The following CCT3 variants were observed in gnomAD, a reference collection of about 807,000 sequenced individuals.
CCT3 encodes chaperonin containing TCP1 subunit 3.
In CCT3, 10 loss-of-function variants were observed where a neutral mutation model predicts 65.3. That is an observed-to-expected ratio of 0.15 (90% CI 0.09 to 0.26). CCT3 has a LOEUF of 0.26. Among genes scored for constraint, CCT3 ranks in the 10% least tolerant of loss-of-function variants. The pLI is 1.00. For missense variants in CCT3, 626 were observed against 708.7 expected, an observed-to-expected ratio of 0.88 and a Z score of 1.33; for synonymous variants, 225 against 242.3, an observed-to-expected ratio of 0.93 and a Z score of 0.66.
chr1:156,326,543 G>A (rs923646302), intron 5 of CCT3, among the ~76,000 whole-genome samples: 6 of 151,216 alleles, frequency 4.0e-5, no homozygotes, highest in Non-Finnish European at 5.9e-5. Context: ...CTAGCTACTC[G>A]GGAGGCTGAG....
intron 5 of CCT3, 81 bp from the exon 6 acceptor site, chr1:156,325,170 TACTCTCCTAAATCAG>T: frequency 9.9e-7 from 1 of 1,008,110 alleles, no homozygotes; most frequent in East Asian, 2.4e-5. Flanking sequence ...TTCCAAAAAA[TACTCTCCTAAATCAG>T]ACTCTCCCAA....
At chr1:156,316,102 T>C (rs1388382708) in intron 10 of CCT3, among the ~76,000 whole-genome samples, 2 of 107,018 alleles carry the variant, frequency 1.9e-5, no homozygotes, top group Admixed American at 1.0e-4. Context: ...ACTGATAACA[T>C]GGCAGGGGGG....
intron 10 of CCT3, among the ~76,000 whole-genome samples, chr1:156,312,635 A>G (rs965106557): frequency 3.3e-5 from 5 of 151,310 alleles, no homozygotes; most frequent in African/African-American, 9.7e-5. Context: ...TCCAGCCTAG[A>G]TAACAGAGTG....
chr1:156,333,735 AC>A (rs1665210505), intron 4 of CCT3, 92 bp from the exon 5 acceptor site: 1 of 891,406 alleles, frequency 1.1e-6, no homozygotes. Context: ...TTGCTTCTAT[AC>A]GTACTTACTT....
chr1:156,309,776 C>A (rs1164486893), intron 13 of CCT3, among the ~76,000 whole-genome samples: 1 of 151,870 alleles, frequency 6.6e-6, no homozygotes, highest in Non-Finnish European at 1.5e-5. Flanking sequence ...TGGTGGCTCA[C>A]ACCTGTAATC....
At chr1:156,333,669 T>C (rs1422638581) in intron 4 of CCT3, 26 bp from the exon 5 acceptor site, 3 of 1,564,248 alleles carry the variant, frequency 1.9e-6, no homozygotes, top group African/African-American at 2.7e-5. Context: ...ACTAGTGAAT[T>C]CACACTATTC....
intron 12 of CCT3, 67 bp from the exon 13 acceptor site, chr1:156,310,756 A>C (rs1439388068): frequency 2.1e-5 from 33 of 1,571,078 alleles, no homozygotes; most frequent in Non-Finnish European, 2.8e-5. Context: ...GAAATGAAGT[A>C]AAAAACAATG....
Position 156,309,231 on chromosome 1 carries a change from G to C in CCT3, c.1606C>G (p.Gln536Glu), listed in dbSNP as rs754506904. The C allele has an allele frequency of 6.2e-7, 1 of 1,613,662 alleles. No homozygotes were observed. Among genetic ancestry groups the C allele is most frequent in the African/African-American group, 1.3e-5 (1 of 74,918 alleles). Residue 536 changes from glutamine (Q) to glutamate (E), a missense_variant, in exon 14 of 14, where the codon CAA becomes GAA. Transcript: ENST00000295688. ...HKKKGDDQSR[Q>E]GGAPDAGQE ...TGGCCAGCATCAGGAGCCCCGCCTT[G>C]CCGGCTCTGGTCATCGCCTTTCTTT... is the stretch of plus-strand genomic sequence containing the variant.
chr1:156,336,004 A>C, intron 1 of CCT3, 116 bp from the exon 2 acceptor site: 1 of 707,130 alleles, frequency 1.4e-6, no homozygotes, highest in Non-Finnish European at 2.4e-6. Context: ...TCCACAGAGC[A>C]AAGCTTATCA....
At chr1:156,337,902 G>T (rs193243044) in intron 1 of CCT3, 1 of 551,702 alleles carries the variant, frequency 1.8e-6, no homozygotes, top group Non-Finnish European at 3.2e-6. Flanking sequence ...ACGCGGAGTG[G>T]GAAAGAGCTT....
At chr1:156,310,352 G>A (rs1664028236) in intron 13 of CCT3, among the ~76,000 whole-genome samples, 1 of 152,058 alleles carries the variant, frequency 6.6e-6, no homozygotes, top group Non-Finnish European at 1.5e-5. Context: ...AAATTAGCTG[G>A]GAGTGGTGGT....
intron 6 of CCT3, among the ~76,000 whole-genome samples, chr1:156,323,543 C>T (rs1359711632): frequency 6.6e-6 from 1 of 152,120 alleles, no homozygotes; most frequent in East Asian, 1.9e-4. Flanking sequence ...CTGCTCACTG[C>T]AAGCTCTGCC....
chr1:156,336,968 GAAT>G (rs1400943515), intron 1 of CCT3: 6 of 550,434 alleles, frequency 1.1e-5, no homozygotes, highest in African/African-American at 1.1e-4. Context: ...CAGAGATAAT[GAAT>G]AATAACTCTG....
intron 5 of CCT3, among the ~76,000 whole-genome samples, chr1:156,332,191 T>G (rs968262841): frequency 1.6e-4 from 24 of 152,204 alleles, no homozygotes; most frequent in Non-Finnish European, 8.8e-5. Flanking sequence ...GATTTTTATT[T>G]TTTACAGTGA....
chr1:156,332,153 C>T (rs1029458388), intron 5 of CCT3, among the ~76,000 whole-genome samples: 1 of 152,208 alleles, frequency 6.6e-6, no homozygotes, highest in East Asian at 1.9e-4. Context: ...GTAGCTGGGA[C>T]TACAGGTGTG....
chr1:156,313,698 C>T (rs1192662340), intron 10 of CCT3, among the ~76,000 whole-genome samples: 1 of 152,174 alleles, frequency 6.6e-6, no homozygotes, highest in African/African-American at 2.4e-5. Flanking sequence ...CCCCTGGCTA[C>T]CCAGAGCCCC....
chr1:156,309,852 C>T (rs1664002459), intron 13 of CCT3, among the ~76,000 whole-genome samples: 1 of 151,328 alleles, frequency 6.6e-6, no homozygotes, highest in South Asian at 2.1e-4. Flanking sequence ...GCCCGGCCAA[C>T]ATGGTAAAAC....
intron 10 of CCT3, among the ~76,000 whole-genome samples, chr1:156,315,369 T>G (rs899026261): frequency 5.3e-5 from 8 of 152,158 alleles, no homozygotes; most frequent in South Asian, 2.1e-4. Flanking sequence ...CCACCACACC[T>G]AGCTAATTTT....
At chr1:156,313,315 G>T (rs1417085453) in intron 10 of CCT3, among the ~76,000 whole-genome samples, 1 of 139,402 alleles carries the variant, frequency 7.2e-6, no homozygotes, top group Non-Finnish European at 1.5e-5. Flanking sequence ...CTCCAGCCTG[G>T]GTGACAGAGT....
Sources: gnomAD v4.1 joint callset for allele counts (sites outside exome capture counted in the v4.1 genomes callset) on GRCh38, gnomAD v4.1.1 for gene constraint, MANE v1.5 for transcripts, NCBI Gene and HGNC (gene_info 2026-07-23, HGNC 2026-07-21) for gene names.